The following SHOC1 variants were observed in gnomAD, a reference collection of about 807,000 sequenced individuals.
SHOC1 encodes protein shortage in chiasmata 1 ortholog.
Under a neutral mutation model 179.2 loss-of-function variants are expected in SHOC1, and 136 were observed. The ratio of observed to expected loss-of-function variants is 0.76; its 90% CI spans 0.66 to 0.87. The LOEUF (loss-of-function observed/expected upper bound fraction) is 0.87, where lower values mean the gene tolerates loss of function less well. SHOC1 is among the 40% of genes least tolerant of loss of function. The pLI is 0.00. For synonymous variants in SHOC1, 489 were observed against 586.6 expected, an observed-to-expected ratio of 0.83 and a Z score of 2.41; for missense variants, 1,538 against 1,700.8, an observed-to-expected ratio of 0.90 and a Z score of 1.68.
intron 12 of SHOC1, among the ~76,000 whole-genome samples, chr9:111,732,301 T>C (rs1026556043): frequency 5.3e-5 from 8 of 152,186 alleles, no homozygotes; most frequent in African/African-American, 1.9e-4. Flanking sequence ...TGATAATGTG[T>C]GGCCTGGCAT....
chr9:111,686,865 TA>T lies in SHOC1; in HGVS notation c.4431del (p.Phe1477LeufsTer14). The T allele has an allele frequency of 6.2e-7, 1 of 1,600,902 alleles. No individual in the cohort carries two copies. The highest frequency in any genetic ancestry group is 8.5e-7 in the Non-Finnish European group (1 of 1,169,756). Reference protein sequence around the residue: ...NSGDKESLTGFMCSQLPQFKK... With the variant: ...NSGDKESLTGXMCSQLPQFKK... ...TTGAATTGTGGTAGTTGTGAGCACA[TA>T]AAACCTGTTAAAAGGAGAAAAAGGA... On this transcript the variant is annotated frameshift_variant, in exon 28 of 28. Transcript: ENST00000682961. LOFTEE classifies it high-confidence loss of function.
At chr9:111,767,852 C>T (rs1835415872) in intron 5 of SHOC1, among the ~76,000 whole-genome samples, 2 of 150,610 alleles carry the variant, frequency 1.3e-5, no homozygotes, top group East Asian at 1.9e-4. Flanking sequence ...TTTGTATGTC[C>T]TCCTCAATTT....
chr9:111,731,645 TATAATA>T (rs1833574596), intron 12 of SHOC1, among the ~76,000 whole-genome samples: 1 of 152,042 alleles, frequency 6.6e-6, no homozygotes, highest in African/African-American at 2.4e-5. Flanking sequence ...CTATAACAGA[TATAATA>T]ATAAGAAAAA....
At chr9:111,775,703 T>G in intron 5 of SHOC1, 88 bp downstream of exon 5, 1 of 1,168,514 alleles carries the variant, frequency 8.6e-7, no homozygotes, top group East Asian at 2.7e-5. Flanking sequence ...AAAAAATTTT[T>G]TATTCAACTC....
chr9:111,743,770 G>C (rs1834143877), intron 10 of SHOC1, among the ~76,000 whole-genome samples: 1 of 152,166 alleles, frequency 6.6e-6, no homozygotes, highest in Non-Finnish European at 1.5e-5. Context: ...AACATTCGCA[G>C]TTTCAGGCAT....
intron 19 of SHOC1, 152 bp from the exon 20 acceptor site, chr9:111,706,898 C>G (rs1365998741): frequency 8.8e-6 from 4 of 455,492 alleles, no homozygotes; most frequent in Non-Finnish European, 1.5e-5. Context: ...TTGATTTGCT[C>G]TTCAATAGTG....
rs181781332 is a variant in SHOC1 at position 111,747,589 on chromosome 9, T to C, written c.970+503A>G. On this transcript the variant is annotated intron_variant, in intron 9 of 27. Transcript: ENST00000682961. ...CATCTTTTTGTTATTCAGGGGTTTTTTTGTTTGTTTTGAGACAGAGTCTAG... is the reference window on the plus strand; with the variant it reads ...CATCTTTTTGTTATTCAGGGGTTTTCTTGTTTGTTTTGAGACAGAGTCTAG... Among the ~76,000 whole-genome samples, 14 of 152,250 alleles carry C rather than the reference T, an allele frequency of 9.2e-5. No homozygotes were observed. The East Asian group carries it at 2.7e-3, about 29-fold the overall frequency.
chr9:111,759,382 G>C, intron 5 of SHOC1: 2 of 1,466,980 alleles, frequency 1.4e-6, no homozygotes, highest in Non-Finnish European at 1.8e-6. Flanking sequence ...TATTTACAGT[G>C]AAAGTTTTAA....
chr9:111,769,986 G>GTTTTTTTTTTTTCTTTTTTTTTTT (rs1835523677), intron 5 of SHOC1, among the ~76,000 whole-genome samples: 1 of 77,662 alleles, frequency 1.3e-5, no homozygotes, highest in Non-Finnish European at 2.4e-5. Flanking sequence ...TTTTTTTTTT[G>GTTTTTTTTTTTTCTTTTTTTTTTT]TTTTTTTTTT....
At chr9:111,737,167 C>T (rs1259424175) in intron 12 of SHOC1, among the ~76,000 whole-genome samples, 1 of 152,018 alleles carries the variant, frequency 6.6e-6, no homozygotes, top group Non-Finnish European at 1.5e-5. Context: ...TATCAAAGAA[C>T]TTAAAACAGA....
chr9:111,765,782 C>A (rs1313880982), intron 5 of SHOC1, among the ~76,000 whole-genome samples: 1 of 151,596 alleles, frequency 6.6e-6, no homozygotes. Context: ...GGCACGATCT[C>A]GGCTCACTGC....
At chr9:111,695,158 A>C (rs1469681839) in intron 24 of SHOC1, among the ~76,000 whole-genome samples, 1 of 152,128 alleles carries the variant, frequency 6.6e-6, no homozygotes, top group Non-Finnish European at 1.5e-5. Context: ...ATTGAAGGAA[A>C]GATAGTTCAT....
chr9:111,725,556 A>G (rs1294282965), intron 13 of SHOC1, among the ~76,000 whole-genome samples: 2 of 152,200 alleles, frequency 1.3e-5, no homozygotes, highest in African/African-American at 4.8e-5. Context: ...GAGTCATGAC[A>G]TAGAAAAACC....
rs1263631815 is a variant in SHOC1, at chr9:111,686,239, CGTT to C, written c.*528_*530del. The C allele has an allele frequency of 6.6e-6, 1 of 151,862 alleles. No individual in the cohort carries two copies. Among genetic ancestry groups the C allele is most frequent in the Non-Finnish European group, 1.5e-5 (1 of 67,990 alleles). The allele number at this position is 151,862 out of a possible 1,614,324, so 9.4% of individuals were successfully genotyped here. On this transcript the variant is annotated 3_prime_UTR_variant, in exon 28 of 28. Transcript: ENST00000682961. ...GAAATATCTGTTCATATATTTTGCC[CGTT>C]CTTCTATCAGGTTGTCTTCTTTCTA...
At chr9:111,701,674 G>A (rs1831975867) in intron 23 of SHOC1, among the ~76,000 whole-genome samples, 1 of 151,988 alleles carries the variant, frequency 6.6e-6, no homozygotes, top group Non-Finnish European at 1.5e-5. Context: ...TTCAGTTCTG[G>A]TAGAAGGGAA....
intron 8 of SHOC1, among the ~76,000 whole-genome samples, chr9:111,748,580 G>A (rs17734580): frequency 0.19 from 28,810 of 152,038 alleles, 2,931 homozygotes; most frequent in Non-Finnish European, 0.22. Flanking sequence ...TGCTTAGCTG[G>A]AACTCTACTT....
At chr9:111,777,742 C>G (rs1835887720) in intron 4 of SHOC1, among the ~76,000 whole-genome samples, 1 of 152,014 alleles carries the variant, frequency 6.6e-6, no homozygotes, top group African/African-American at 2.4e-5. Context: ...TTCCTAATAT[C>G]CTGGAATATT....
In SHOC1 at chr9:111,749,083, C is replaced by CT. The variant is rs574728308; in HGVS notation, c.863-885dup. ...TATCCCTTTATTTTTTACCTTTTGG[C>CT]TTTTTTTCCTTCTTTTCTTAAGGCT... On this transcript the variant is annotated intron_variant, in intron 8 of 27. Transcript: ENST00000682961. Among the ~76,000 whole-genome samples, 17 of 142,456 alleles carry CT rather than the reference C, an allele frequency of 1.2e-4. No homozygotes were observed. In the East Asian group the frequency reaches 3.8e-3, roughly 32 times the overall value. The allele number at this position is 142,456 out of a possible 152,430, so 93.5% of individuals were successfully genotyped here.
At chr9:111,713,956 C>A (rs1832667376) in intron 17 of SHOC1, among the ~76,000 whole-genome samples, 1 of 152,098 alleles carries the variant, frequency 6.6e-6, no homozygotes, top group Admixed American at 6.6e-5. Context: ...AAGTACTAGA[C>A]AAAATTTCTG....
Sources: allele counts gnomAD v4.1 joint callset (sites outside exome capture counted in the v4.1 genomes callset), GRCh38; gene constraint gnomAD v4.1.1; transcripts MANE v1.5; gene names NCBI Gene and HGNC (gene_info 2026-07-23, HGNC 2026-07-21).